The following DNAH11 variants were observed in gnomAD, a reference collection of about 807,000 sequenced individuals.
DNAH11 encodes the protein dynein axonemal heavy chain 11, also known as axonemal beta dynein heavy chain 11.
Under a neutral mutation model 526.0 loss-of-function variants are expected in DNAH11, and 442 were observed. The observed-to-expected ratio is 0.84, with a 90% CI of 0.78 to 0.91. DNAH11 has a LOEUF of 0.91. Ranked by LOEUF, DNAH11 falls within the 40% of genes least tolerant of loss-of-function variation. The pLI, the probability that DNAH11 is intolerant of heterozygous loss-of-function variation, is 0.00. For missense variants in DNAH11, 6,989 were observed against 5,448.7 expected (o/e 1.28, Z -8.90); for synonymous variants, 2,461 against 1,935.9 (o/e 1.27, Z -7.12).
At chr7:21,630,917 C>G (rs1211316227) in intron 25 of DNAH11, among the ~76,000 whole-genome samples, 3 of 152,106 alleles carry the variant, frequency 2.0e-5, no homozygotes, top group Admixed American at 1.3e-4. Context: ...ATCTTCACTG[C>G]TTTTCATTCT....
chr7:21,893,973 C>G (rs1309572799), intron 77 of DNAH11, among the ~76,000 whole-genome samples: 2 of 152,216 alleles, frequency 1.3e-5, no homozygotes, highest in Non-Finnish European at 2.9e-5. Context: ...ACTGCAACCT[C>G]TAACTCTCGG....
At chr7:21,621,443 A>C (rs1786050252) in intron 25 of DNAH11, among the ~76,000 whole-genome samples, 1 of 152,170 alleles carries the variant, frequency 6.6e-6, no homozygotes, top group African/African-American at 2.4e-5. Flanking sequence ...ATCAATAGAA[A>C]AAGAGGAAAT....
intron 67 of DNAH11, among the ~76,000 whole-genome samples, chr7:21,852,934 G>T (rs1019808288): frequency 2.6e-5 from 4 of 152,176 alleles, no homozygotes; most frequent in African/African-American, 9.7e-5. Context: ...CTGAAAATCT[G>T]AAAAGCCTTA....
intron 65 of DNAH11, among the ~76,000 whole-genome samples, chr7:21,838,716 C>CTTTATT (rs1554287048): frequency 1.5e-4 from 22 of 148,990 alleles, no homozygotes; most frequent in African/African-American, 5.5e-4. Context: ...GATTTTTAAA[C>CTTTATT]TATTTATTTA....
At chr7:21,649,959 C>T (rs1787552395) in intron 28 of DNAH11, among the ~76,000 whole-genome samples, 1 of 152,080 alleles carries the variant, frequency 6.6e-6, no homozygotes, top group Admixed American at 6.6e-5. Context: ...GCCCCCATGC[C>T]CAGCGACTAT....
intron 24 of DNAH11, among the ~76,000 whole-genome samples, chr7:21,619,458 T>G (rs1785937520): frequency 6.6e-6 from 1 of 152,120 alleles, no homozygotes; most frequent in South Asian, 2.1e-4. Flanking sequence ...TACTTACATA[T>G]CCTTTATTTT....
In DNAH11 at chr7:21,787,380, A is replaced by G. The variant is rs116999843; in HGVS notation, c.9742-21A>G. ...CTGCAGCCAAAATGGGTTCATTGCA[A>G]TAAATCTTTTTGCTTTGCAGGTTGA... On this transcript the variant is annotated intron_variant, in intron 59 of 81. Transcript: ENST00000409508. 6.3e-4 allele frequency: 1,005 copies of G among 1,592,424 alleles called. 1 individual carries two copies. The highest frequency in any genetic ancestry group is 7.7e-4 in the Non-Finnish European group (904 of 1,167,964).
intron 9 of DNAH11, among the ~76,000 whole-genome samples, chr7:21,582,847 G>A (rs766456825): frequency 2.0e-5 from 3 of 152,168 alleles, no homozygotes; most frequent in Non-Finnish European, 2.9e-5. Context: ...CAATATAGCA[G>A]ACACAGATTT....
Position 21,774,016 on chromosome 7 carries a change from T to G in DNAH11, c.9336+17T>G. 1 of 1,521,744 alleles carries G rather than the reference T, an allele frequency of 6.6e-7. No homozygotes were observed. The highest frequency in any genetic ancestry group is 8.8e-7 in the Non-Finnish European group (1 of 1,134,034). 94.3% of individuals were successfully genotyped at this position (1,521,744 alleles called of 1,614,324 possible). A position where few individuals can be genotyped will look rare whatever the true frequency, so the allele number is the denominator to read the frequency against. ...GCCTCTCAGGTATGACCAGGATGTG[T>G]TATTACTGAGTAATATTTATGCTGT... is the stretch of plus-strand genomic sequence containing the variant. On this transcript the variant is annotated intron_variant, in intron 56 of 81. Transcript: ENST00000409508.
At chr7:21,791,432 C>T (rs115855594) in intron 61 of DNAH11, among the ~76,000 whole-genome samples, 2,053 of 152,286 alleles carry the variant, frequency 0.013, 37 homozygotes, top group African/African-American at 0.041. Context: ...CTTGATCCCC[C>T]ATCTCTAGAG....
chr7:21,857,891 T>G (rs1409786346), intron 68 of DNAH11, among the ~76,000 whole-genome samples: 1 of 152,152 alleles, frequency 6.6e-6, no homozygotes, highest in Admixed American at 6.5e-5. Context: ...GGCAAAGATT[T>G]CTTAGGACAC....
At chr7:21,628,783 T>C (rs932710180) in intron 25 of DNAH11, among the ~76,000 whole-genome samples, 2 of 152,166 alleles carry the variant, frequency 1.3e-5, no homozygotes, top group Non-Finnish European at 2.9e-5. Context: ...GCTTTTGGTA[T>C]CAGGGTAATG....
chr7:21,774,284 G>T (rs1562538006), intron 56 of DNAH11, among the ~76,000 whole-genome samples: 2 of 152,112 alleles, frequency 1.3e-5, no homozygotes, highest in Non-Finnish European at 2.9e-5. Context: ...TCTTGTCTCT[G>T]ACTTCTTCAG....
intron 18 of DNAH11, among the ~76,000 whole-genome samples, chr7:21,606,037 C>G (rs1417308307): frequency 6.6e-6 from 1 of 152,126 alleles, no homozygotes; most frequent in Middle Eastern, 3.2e-3. Flanking sequence ...AAATTAGAAT[C>G]ATTTACATGG....
chr7:21,610,779 A>G (rs2128450540), intron 20 of DNAH11, among the ~76,000 whole-genome samples: 1 of 152,332 alleles, frequency 6.6e-6, no homozygotes, highest in South Asian at 2.1e-4. Flanking sequence ...TTAGTGAAAT[A>G]CAAATTACAT....
intron 65 of DNAH11, among the ~76,000 whole-genome samples, chr7:21,823,649 A>G (rs1790149535): frequency 6.6e-6 from 1 of 152,170 alleles, no homozygotes; most frequent in Non-Finnish European, 1.5e-5. Context: ...CTTTATGCAT[A>G]AGAATCATAT....
intron 43 of DNAH11, 127 bp downstream of exon 43, chr7:21,718,052 A>T: frequency 7.5e-7 from 1 of 1,328,160 alleles, no homozygotes; most frequent in South Asian, 1.6e-5. Flanking sequence ...GATTGCTGCA[A>T]CCCTCTTGCC....
At chr7:21,890,957 A>C (rs1238029876) in intron 76 of DNAH11, among the ~76,000 whole-genome samples, 1 of 152,192 alleles carries the variant, frequency 6.6e-6, no homozygotes, top group Non-Finnish European at 1.5e-5. Flanking sequence ...GAATGTTTTA[A>C]ATGCACTTGG....
chr7:21,802,601 G>A (rs1243408884), intron 62 of DNAH11, among the ~76,000 whole-genome samples: 1 of 152,076 alleles, frequency 6.6e-6, no homozygotes, highest in Non-Finnish European at 1.5e-5. Context: ...TAAATAAAAT[G>A]TATATCCATA....
Sources: gnomAD v4.1 joint callset for allele counts (sites outside exome capture counted in the v4.1 genomes callset) on GRCh38, gnomAD v4.1.1 for gene constraint, MANE v1.5 for transcripts, NCBI Gene and HGNC (gene_info 2026-07-23, HGNC 2026-07-21) for gene names.